The following WDR41 variants were observed in gnomAD, a reference collection of about 807,000 sequenced individuals.
WDR41 encodes WD repeat domain 41, also known as WD repeat-containing protein 41.
In WDR41, 63 loss-of-function variants were observed where a neutral mutation model predicts 69.3. The ratio of observed to expected loss-of-function variants is 0.91; its 90% CI spans 0.74 to 1.12. The LOEUF is 1.12. Ranked by LOEUF, WDR41 falls within the 50% of genes most tolerant of loss-of-function variation. The pLI, the probability that WDR41 is intolerant of heterozygous loss-of-function variation, is 0.00. For missense variants in WDR41, 543 were observed against 534.5 expected, an observed-to-expected ratio of 1.02 and a Z score of -0.16; for synonymous variants, 185 against 192.1, an observed-to-expected ratio of 0.96 and a Z score of 0.31.
chr5:77,476,605 T>G (rs1800944604), intron 2 of WDR41, among the ~76,000 whole-genome samples: 1 of 151,318 alleles, frequency 6.6e-6, no homozygotes, highest in South Asian at 2.1e-4. Context: ...ATAAAATACT[T>G]TACAGACAAG....
At chr5:77,620,563 T>A (rs1305015493) in exon 1 of WDR41, 3 of 454,100 alleles carry the variant, frequency 6.6e-6, no homozygotes, top group East Asian at 1.4e-4. Flanking sequence ...CTGGTCTGTG[T>A]ACCTGCGCTC....
intron 1 of WDR41, among the ~76,000 whole-genome samples, chr5:77,498,276 T>C (rs1801963898): frequency 6.6e-6 from 1 of 152,114 alleles, no homozygotes; most frequent in Admixed American, 6.5e-5. Flanking sequence ...AAGAGATAAA[T>C]AGATCAATGG....
intron 1 of WDR41, among the ~76,000 whole-genome samples, chr5:77,535,517 C>T (rs548408211): frequency 6.6e-6 from 1 of 152,236 alleles, no homozygotes; most frequent in Admixed American, 6.5e-5. Flanking sequence ...GGATGACTAG[C>T]ACACAGGGCT....
chr5:77,618,147 G>A (rs563665128), intron 1 of WDR41, among the ~76,000 whole-genome samples: 1 of 152,280 alleles, frequency 6.6e-6, no homozygotes, highest in East Asian at 1.9e-4. Flanking sequence ...CGTTCCTGAG[G>A]TTAGCATCAA....
intron 8 of WDR41, among the ~76,000 whole-genome samples, chr5:77,449,218 C>G (rs1387260327): frequency 6.9e-6 from 1 of 144,202 alleles, no homozygotes; most frequent in Non-Finnish European, 1.5e-5. Context: ...ATAGGATGTA[C>G]AGCAGGTCAA....
intron 1 of WDR41, among the ~76,000 whole-genome samples, chr5:77,565,950 C>A (rs1200431342): frequency 6.6e-6 from 1 of 152,146 alleles, no homozygotes. Context: ...CCATTGACTT[C>A]TTACTGCATA....
intron 1 of WDR41, among the ~76,000 whole-genome samples, chr5:77,526,202 T>C (rs534149844): frequency 6.6e-6 from 1 of 152,308 alleles, no homozygotes; most frequent in East Asian, 1.9e-4. Flanking sequence ...TCCCTCTTTT[T>C]GTTCTTTCTT....
intron 1 of WDR41, among the ~76,000 whole-genome samples, chr5:77,525,413 C>T (rs1802431146): frequency 6.6e-6 from 1 of 152,154 alleles, no homozygotes; most frequent in Admixed American, 6.5e-5. Context: ...GAAGTTCCTA[C>T]CTTGAAGCAC....
At chr5:77,513,978 TTA>T (rs1034321175) in intron 1 of WDR41, among the ~76,000 whole-genome samples, 40 of 152,276 alleles carry the variant, frequency 2.6e-4, no homozygotes, top group African/African-American at 9.4e-4. Context: ...AAAAAAAACT[TTA>T]ATTTTTTTCT....
intron 1 of WDR41, among the ~76,000 whole-genome samples, chr5:77,608,895 C>T (rs1009616131): frequency 2.0e-5 from 3 of 152,214 alleles, no homozygotes; most frequent in Admixed American, 6.5e-5. Flanking sequence ...AGTTCCCTTT[C>T]CTAGTCAAAG....
intron 1 of WDR41, among the ~76,000 whole-genome samples, chr5:77,558,094 T>TTTAAA (rs1554036365): frequency 3.8e-5 from 4 of 104,306 alleles, no homozygotes; most frequent in Non-Finnish European, 5.9e-5. Context: ...ATGTTCTTTT[T>TTTAAA]AAAAAAAAAA....
chr5:77,619,377 T>G (rs984635231), intron 1 of WDR41, among the ~76,000 whole-genome samples: 2 of 152,204 alleles, frequency 1.3e-5, no homozygotes, highest in African/African-American at 4.8e-5. Flanking sequence ...ACAAAAGTCC[T>G]GAATCTGATT....
At chr5:77,457,273 C>T (rs1799871771) in intron 5 of WDR41, among the ~76,000 whole-genome samples, 1 of 151,894 alleles carries the variant, frequency 6.6e-6, no homozygotes, top group Non-Finnish European at 1.5e-5. Context: ...GTGTATAATT[C>T]TTTTTAGATG....
In WDR41 at chr5:77,537,774, G is replaced by A. The variant is rs934280178; in HGVS notation, c.43-48202C>T. Among the ~76,000 whole-genome samples, 4 of 152,234 alleles carry A rather than the reference G, an allele frequency of 2.6e-5. No individual in the cohort carries two copies. In the East Asian group the frequency reaches 7.7e-4, roughly 29 times the overall value. ...AGAGCATCAAGAATATAGAAAATAA[G>A]AAAATATAATTAATACACACTGCTT... On this transcript the variant is annotated intron_variant, in intron 1 of 5. Transcript: ENST00000509971.
At chr5:77,528,445 CCAAA>C (rs201835116) in intron 1 of WDR41, among the ~76,000 whole-genome samples, 2,769 of 151,730 alleles carry the variant, frequency 0.018, 60 homozygotes, top group African/African-American at 0.055. Flanking sequence ...GCTAATTCCA[CCAAA>C]CAGTCAAGGA....
chr5:77,502,383 A>G (rs1034016691), intron 1 of WDR41, among the ~76,000 whole-genome samples: 22 of 152,194 alleles, frequency 1.4e-4, no homozygotes. Flanking sequence ...AAAAGACCAA[A>G]TCTACGTTTG....
chr5:77,523,311 A>C (rs1212823559), intron 1 of WDR41, among the ~76,000 whole-genome samples: 1 of 152,068 alleles, frequency 6.6e-6, no homozygotes, highest in Non-Finnish European at 1.5e-5. Context: ...ATCAAAAAAA[A>C]AAAAAGATAT....
intron 1 of WDR41, among the ~76,000 whole-genome samples, chr5:77,599,632 G>A (rs577533770): frequency 1.9e-4 from 29 of 152,274 alleles, no homozygotes; most frequent in African/African-American, 6.7e-4. Context: ...ACAATATACA[G>A]GGTCCCATGG....
At chr5:77,560,263 T>C (rs1166518991) in intron 1 of WDR41, among the ~76,000 whole-genome samples, 1 of 152,190 alleles carries the variant, frequency 6.6e-6, no homozygotes, top group Non-Finnish European at 1.5e-5. Context: ...GCCCATCAGA[T>C]GTTAACAAAA....
Sources: gnomAD v4.1 joint callset for allele counts (sites outside exome capture counted in the v4.1 genomes callset) on GRCh38, gnomAD v4.1.1 for gene constraint, MANE v1.5 for transcripts, NCBI Gene and HGNC (gene_info 2026-07-23, HGNC 2026-07-21) for gene names.